The following RAB8B variants were observed in gnomAD, a reference collection of about 807,000 sequenced individuals.
The protein encoded by RAB8B is RAB8B, member RAS oncogene family.
Under a neutral mutation model 32.0 loss-of-function variants are expected in RAB8B, and 11 were observed. The ratio of observed to expected loss-of-function variants is 0.34; its 90% CI spans 0.22 to 0.57. The LOEUF (loss-of-function observed/expected upper bound fraction) is 0.57, where lower values mean the gene tolerates loss of function less well. Ranked by LOEUF, RAB8B falls within the 20% of genes least tolerant of loss-of-function variation. The pLI is 0.86. For missense variants in RAB8B, 190 were observed against 258.5 expected, an observed-to-expected ratio of 0.73 and a Z score of 1.82; for synonymous variants, 103 against 89.6, an observed-to-expected ratio of 1.15 and a Z score of -0.85.
intron 1 of RAB8B, among the ~76,000 whole-genome samples, chr15:63,198,039 C>T (rs1386804163): frequency 6.6e-6 from 1 of 151,970 alleles, no homozygotes; most frequent in African/African-American, 2.4e-5. Flanking sequence ...TTCCTATGTT[C>T]AGTTTTGTGT....
chr15:63,256,656 A>T (rs1198912178), intron 5 of RAB8B, 62 bp downstream of exon 5: 2 of 1,190,704 alleles, frequency 1.7e-6, no homozygotes, highest in Non-Finnish European at 2.4e-6. Flanking sequence ...TCTTTTCTTC[A>T]TATTATTTAA....
At chr15:63,231,550 C>T (rs969058935) in intron 1 of RAB8B, among the ~76,000 whole-genome samples, 5 of 151,390 alleles carry the variant, frequency 3.3e-5, no homozygotes, top group African/African-American at 1.2e-4. Context: ...ATTCACCTCA[C>T]CCTTAAATGA....
At chr15:63,201,699 T>G (rs943274586) in intron 1 of RAB8B, among the ~76,000 whole-genome samples, 1 of 152,220 alleles carries the variant, frequency 6.6e-6, no homozygotes, top group African/African-American at 2.4e-5. Context: ...TATTACTTTA[T>G]GTAAACTACT....
chr15:63,192,078 A>G (rs1486743338), intron 1 of RAB8B, among the ~76,000 whole-genome samples: 1 of 152,174 alleles, frequency 6.6e-6, no homozygotes, highest in Non-Finnish European at 1.5e-5. Context: ...TGTGAGGTGG[A>G]TGTGGTAAAA....
At chr15:63,189,839 G>C (rs1266884431) in intron 1 of RAB8B, 91 bp downstream of exon 1, 1 of 1,393,812 alleles carries the variant, frequency 7.2e-7, no homozygotes, top group Non-Finnish European at 9.5e-7. Flanking sequence ...TTGGGAGCCC[G>C]GGAGAGGAGA....
chr15:63,253,388 C>T (rs986499536), intron 3 of RAB8B, among the ~76,000 whole-genome samples: 5 of 152,096 alleles, frequency 3.3e-5, no homozygotes, highest in African/African-American at 4.8e-5. Flanking sequence ...GAAGCCAGAC[C>T]TGGAAGGACT....
rs1306190659 is a variant in RAB8B at position 63,266,391 on chromosome 15, T to A, written c.*2772T>A. On this transcript the variant is annotated 3_prime_UTR_variant, in exon 8 of 8. Coordinates refer to ENST00000321437, the MANE Select transcript of RAB8B (RefSeq NM_016530.3). ...TAGCTATATTTTACTTCAGACAGAT[T>A]ATGATACAATAATCTACCTGTGCAT... is the stretch of plus-strand genomic sequence containing the variant. 3 of 152,620 alleles carry A rather than the reference T, an allele frequency of 2.0e-5. No individual in the cohort carries two copies. The highest frequency in any genetic ancestry group is 4.4e-5 in the Non-Finnish European group (3 of 68,004). The allele number at this position is 152,620 out of a possible 1,614,324, so 9.5% of individuals were successfully genotyped here.
chr15:63,203,451 G>C (rs2037669472), intron 1 of RAB8B, among the ~76,000 whole-genome samples: 1 of 152,212 alleles, frequency 6.6e-6, no homozygotes, highest in Non-Finnish European at 1.5e-5. Flanking sequence ...TGCTGTTACT[G>C]TGTGTATGAT....
chr15:63,201,879 C>G (rs2037653974), intron 1 of RAB8B, among the ~76,000 whole-genome samples: 1 of 152,074 alleles, frequency 6.6e-6, no homozygotes, highest in Non-Finnish European at 1.5e-5. Context: ...ACCTCTTCCT[C>G]TCAAAACAGG....
chr15:63,238,476 C>T (rs370792598), intron 1 of RAB8B, among the ~76,000 whole-genome samples: 6 of 152,228 alleles, frequency 3.9e-5, no homozygotes, highest in East Asian at 1.9e-4. Flanking sequence ...TAGTTCTTAG[C>T]TGAACACTAC....
At chr15:63,218,029 T>A (rs36055919) in intron 1 of RAB8B, among the ~76,000 whole-genome samples, 1 of 152,148 alleles carries the variant, frequency 6.6e-6, no homozygotes, top group South Asian at 2.1e-4. Context: ...GACCAGTTCC[T>A]TTTTGCCTTT....
intron 2 of RAB8B, among the ~76,000 whole-genome samples, chr15:63,245,947 A>G (rs1161181207): frequency 2.0e-5 from 3 of 152,080 alleles, no homozygotes. Context: ...AGCTCGGCTC[A>G]CTGCAACCTC....
chr15:63,190,086 A>T (rs2037541792), intron 1 of RAB8B, among the ~76,000 whole-genome samples: 1 of 150,732 alleles, frequency 6.6e-6, no homozygotes, highest in Non-Finnish European at 1.5e-5. Flanking sequence ...TGGGGGGAAG[A>T]CTCAGGAAAT....
chr15:63,228,922 T>G (rs1473128128), intron 1 of RAB8B, among the ~76,000 whole-genome samples: 1 of 152,244 alleles, frequency 6.6e-6, no homozygotes, highest in African/African-American at 2.4e-5. Context: ...AGTTTGTAAT[T>G]TTGAAAATCA....
intron 1 of RAB8B, among the ~76,000 whole-genome samples, chr15:63,197,337 C>CT (rs36029199): frequency 3.0e-4 from 28 of 92,240 alleles, no homozygotes; most frequent in African/African-American, 4.0e-4. Flanking sequence ...AAGTGGCTTT[C>CT]TTTTTTTTTT....
chr15:63,244,715 T>C (rs2038057932), intron 1 of RAB8B, 41 bp from the exon 2 acceptor site: 1 of 1,467,130 alleles, frequency 6.8e-7, no homozygotes, highest in Non-Finnish European at 9.5e-7. Context: ...TTGGATTATA[T>C]CTGAAGAAAC....
chr15:63,245,096 C>T (rs1014458874), intron 2 of RAB8B, among the ~76,000 whole-genome samples: 5 of 152,166 alleles, frequency 3.3e-5, no homozygotes, highest in Non-Finnish European at 5.9e-5. Context: ...TTCTAAGGAA[C>T]GCAAATTACT....
At chr15:63,234,359 G>A (rs2037960530) in intron 1 of RAB8B, among the ~76,000 whole-genome samples, 1 of 152,140 alleles carries the variant, frequency 6.6e-6, no homozygotes, top group African/African-American at 2.4e-5. Flanking sequence ...AAAAGATTAT[G>A]TTATTAATAT....
At chr15:63,208,727 A>G (rs548109205) in intron 1 of RAB8B, among the ~76,000 whole-genome samples, 8 of 151,874 alleles carry the variant, frequency 5.3e-5, no homozygotes, top group Non-Finnish European at 1.2e-4. Context: ...TTATGAGGCC[A>G]TGTCAGAATT....
Sources: allele counts gnomAD v4.1 joint callset (sites outside exome capture counted in the v4.1 genomes callset), GRCh38; gene constraint gnomAD v4.1.1; transcripts MANE v1.5; gene names NCBI Gene and HGNC (gene_info 2026-07-23, HGNC 2026-07-21).